The following SOS1 variants were observed in gnomAD, a reference collection of about 807,000 sequenced individuals.
SOS1 encodes the protein SOS Ras/Rac guanine nucleotide exchange factor 1.
In SOS1, 25 loss-of-function variants were observed where a neutral mutation model predicts 157.6. The ratio of observed to expected loss-of-function variants is 0.16; its 90% CI spans 0.12 to 0.22. The LOEUF (loss-of-function observed/expected upper bound fraction) is 0.22, where lower values mean the gene tolerates loss of function less well. Ranked by LOEUF, SOS1 falls within the 10% of genes least tolerant of loss-of-function variation. The probability of loss-of-function intolerance (pLI) is 1.00; values close to 1 mark genes in which losing one functional copy is unlikely to be tolerated. For missense variants in SOS1, 1,237 were observed against 1,599.1 expected (o/e 0.77, Z 3.86); for synonymous variants, 528 against 534.0 (o/e 0.99, Z 0.16).
In SOS1 at chr2:39,056,865, T is replaced by C; in HGVS notation, c.347A>G (p.Glu116Gly). ...GTGGTCAATTTTATAACCTAGGACC[T>C]CCTGCAAAATTAAAAGAAAAGCATG... ...PVEKIHPLLK[E>G]VLGYKIDHQV... Residue 116 changes from glutamate to glycine, a missense_variant and splice_region_variant, in exon 4 of 23, where the codon GAG becomes GGG. Transcript: ENST00000402219. The C allele has an allele frequency of 6.2e-7, 1 of 1,600,068 alleles. No individual in the cohort carries two copies. Among genetic ancestry groups the C allele is most frequent in the South Asian group, 1.1e-5 (1 of 90,798 alleles).
chr2:39,092,103 T>A (rs769253587), intron 1 of SOS1, among the ~76,000 whole-genome samples: 8 of 152,220 alleles, frequency 5.3e-5, no homozygotes, highest in Non-Finnish European at 8.8e-5. Context: ...CTATCACTAG[T>A]GCTAAAGCCC....
At chr2:39,106,872 C>T (rs910121637) in intron 1 of SOS1, among the ~76,000 whole-genome samples, 34 of 152,258 alleles carry the variant, frequency 2.2e-4, no homozygotes, top group African/African-American at 7.7e-4. Context: ...TCCTGGTTCA[C>T]CAGTTCATAG....
intron 4 of SOS1, among the ~76,000 whole-genome samples, chr2:39,056,349 G>A (rs1671210137): frequency 1.3e-5 from 2 of 152,032 alleles, no homozygotes; most frequent in Admixed American, 6.6e-5. Flanking sequence ...TCCAGGAGGC[G>A]GAGGTTGCAG....
intron 1 of SOS1, among the ~76,000 whole-genome samples, chr2:39,095,200 C>T (rs1442474876): frequency 6.6e-6 from 1 of 152,188 alleles, no homozygotes; most frequent in Non-Finnish European, 1.5e-5. Context: ...TGATCATTTT[C>T]AACTCCACCC....
intron 1 of SOS1, among the ~76,000 whole-genome samples, chr2:39,085,312 T>C (rs556010549): frequency 6.6e-6 from 1 of 152,362 alleles, no homozygotes; most frequent in Admixed American, 6.5e-5. Context: ...CCTCCCAAAG[T>C]ATTGGTATTC....
chr2:39,120,007 GA>G (rs1033420541), intron 1 of SOS1, among the ~76,000 whole-genome samples: 1 of 152,218 alleles, frequency 6.6e-6, no homozygotes, highest in African/African-American at 2.4e-5. Context: ...CAAGAAGACG[GA>G]AAAGTGGCCT....
At chr2:39,112,061 C>G (rs1171146833) in intron 1 of SOS1, among the ~76,000 whole-genome samples, 1 of 152,182 alleles carries the variant, frequency 6.6e-6, no homozygotes, top group Non-Finnish European at 1.5e-5. Context: ...TCTACTCCCA[C>G]TATCCTTCTC....
intron 1 of SOS1, among the ~76,000 whole-genome samples, chr2:39,096,825 G>A (rs930608098): frequency 1.3e-5 from 2 of 151,842 alleles, no homozygotes; most frequent in Non-Finnish European, 2.9e-5. Flanking sequence ...GGTGGAGCTT[G>A]CAGTGAGCCG....
intron 1 of SOS1, among the ~76,000 whole-genome samples, chr2:39,083,521 G>A (rs946637977): frequency 1.3e-5 from 2 of 152,156 alleles, no homozygotes; most frequent in Admixed American, 1.3e-4. Flanking sequence ...TAGAGTAGCT[G>A]GAGCAAAACC....
At chr2:39,108,806 T>C (rs1274439491) in intron 1 of SOS1, among the ~76,000 whole-genome samples, 6 of 151,796 alleles carry the variant, frequency 4.0e-5, no homozygotes, top group Non-Finnish European at 8.8e-5. Flanking sequence ...GGTGCAAAAA[T>C]TGCTTGAGCC....
intron 2 of SOS1, among the ~76,000 whole-genome samples, chr2:39,061,863 C>G (rs10206751): frequency 0.79 from 120,122 of 152,052 alleles, 49,484 homozygotes; most frequent in Non-Finnish European, 0.91. Context: ...CAGAGCTAAG[C>G]TGAAGATTCA....
intron 1 of SOS1, among the ~76,000 whole-genome samples, chr2:39,102,497 C>A (rs1404618863): frequency 7.8e-6 from 1 of 128,520 alleles, no homozygotes; most frequent in Non-Finnish European, 1.6e-5. Context: ...TACTACTGCA[C>A]TCCAGCCTGG....
chr2:39,080,241 G>A (rs1033289821), intron 1 of SOS1, among the ~76,000 whole-genome samples: 4 of 151,896 alleles, frequency 2.6e-5, no homozygotes, highest in Admixed American at 6.6e-5. Flanking sequence ...TAAGGAGTAC[G>A]CAACCTAGAT....
At chr2:39,011,183 C>T (rs374127114) in intron 14 of SOS1, among the ~76,000 whole-genome samples, 2 of 152,156 alleles carry the variant, frequency 1.3e-5, no homozygotes, top group Non-Finnish European at 2.9e-5. Flanking sequence ...AGGAGTGAGC[C>T]ACAATGCCCA....
chr2:39,022,715 A>C lies in SOS1; in HGVS notation c.1713T>G (p.Ser571Arg). 6.2e-7 allele frequency: 1 copy of C among 1,613,754 alleles called. No homozygotes were observed. Among genetic ancestry groups the C allele is most frequent in the South Asian group, 1.1e-5 (1 of 91,076 alleles). ...EEKEEQMRLPSADVYRFAEPD... is the reference protein window; with the variant it reads ...EEKEEQMRLPRADVYRFAEPD... ...GCTCTGCAAATCTATAAACATCAGC[A>C]CTAGGCAGCCTCATCTGCTCCTCTT... Residue 571 changes from serine to arginine, a missense_variant, in exon 10 of 23, where the codon AGT becomes AGG. Coordinates refer to ENST00000402219, the MANE Select transcript of SOS1 (RefSeq NM_005633.4).
chr2:39,124,774 C>G (rs1674015425), upstream of SOS1, among the ~76,000 whole-genome samples: 1 of 152,228 alleles, frequency 6.6e-6, no homozygotes, highest in South Asian at 2.1e-4. Context: ...AGCTGTATCT[C>G]TCACTCAAAA....
chr2:38,995,524 A>T, intron 19 of SOS1, 137 bp from the exon 20 acceptor site: 2 of 681,692 alleles, frequency 2.9e-6, no homozygotes, highest in Non-Finnish European at 5.1e-6. Flanking sequence ...TATTCAAATA[A>T]AAGTAGAACA....
intron 1 of SOS1, among the ~76,000 whole-genome samples, chr2:39,091,069 A>G (rs1672576860): frequency 1.3e-5 from 2 of 152,278 alleles, no homozygotes; most frequent in Admixed American, 6.5e-5. Flanking sequence ...GGGTTTCACC[A>G]TATTGGTCAG....
rs971167282 is a variant in SOS1 at position 39,058,656 on chromosome 2, C to CAGTA, written c.345+13_345+16dup. On this transcript the variant is annotated intron_variant, in intron 3 of 22. Transcript: ENST00000402219. ...ATTTTTCCCTTAAAAGGCAAGAAGG[C>CAGTA]AGTAGTTCAGCATTACCTTTAATAA... is the stretch of plus-strand genomic sequence containing the variant. The CAGTA allele has an allele frequency of 1.2e-6, 2 of 1,611,230 alleles. No homozygotes were observed. The highest frequency in any genetic ancestry group is 1.3e-5 in the African/African-American group (1 of 74,936).
Sources: gnomAD v4.1 joint callset for allele counts (sites outside exome capture counted in the v4.1 genomes callset) on GRCh38, gnomAD v4.1.1 for gene constraint, MANE v1.5 for transcripts, NCBI Gene and HGNC (gene_info 2026-07-23, HGNC 2026-07-21) for gene names.